The following PACS2 variants were observed in gnomAD, a reference collection of about 807,000 sequenced individuals.
The protein encoded by PACS2 is PACS1-like protein.
In PACS2, 36 loss-of-function variants were observed where a neutral mutation model predicts 113.0. The observed-to-expected ratio is 0.32, with a 90% CI of 0.24 to 0.42. The LOEUF (loss-of-function observed/expected upper bound fraction) is 0.42. Among genes scored for constraint, PACS2 ranks in the 10% least tolerant of loss-of-function variants. The pLI, the probability that PACS2 is intolerant of heterozygous loss-of-function variation, is 1.00. For missense variants in PACS2, 1,015 were observed against 1,239.5 expected, an observed-to-expected ratio of 0.82 and a Z score of 2.72; for synonymous variants, 589 against 536.1, an observed-to-expected ratio of 1.10 and a Z score of -1.36.
In PACS2 at chr14:105,324,975, G is replaced by A. The variant is rs1215919262; in HGVS notation, c.119+9938G>A. On this transcript the variant is annotated intron_variant, in intron 1 of 24. Transcript: ENST00000447393. The surrounding 1 kb of genome is among the most constrained non-coding windows in gnomAD (Gnocchi z 4.7). ...TCCTGCTGGGGGTGCACACGGGCCT[G>A]GGGCTGAGCAACCCGCTCTGGGCCT... Among the ~76,000 whole-genome samples the A allele has an allele frequency of 1.3e-5, 2 of 152,082 alleles. No homozygotes were observed. The highest frequency in any genetic ancestry group is 4.8e-5 in the African/African-American group (2 of 41,410).
In PACS2 at chr14:105,385,704, G is replaced by T. The variant is rs1555413449; in HGVS notation, c.2020G>T (p.Asp674Tyr). The change falls in exon 19 of 25, where the codon GAC becomes TAC. Residue 674 changes from aspartate (D) to tyrosine (Y), a missense_variant. By Grantham distance (160) the Asp-to-Tyr change is radical. Coordinates refer to ENST00000447393, the MANE Select transcript of PACS2 (RefSeq NM_001100913.3). ...KQKRKKHFHF[D>Y]FTLSPDEESS... is the part of the protein sequence containing the mutation. Reference sequence around the variant, plus strand: ...GAAAAGGAAAAAGCATTTTCATTTTGACTTTACCCTAAGGTACGGCTCTGT... The same window carrying T: ...GAAAAGGAAAAAGCATTTTCATTTTTACTTTACCCTAAGGTACGGCTCTGT... 2 of 1,519,922 alleles carry T rather than the reference G, an allele frequency of 1.3e-6. No individual in the cohort carries two copies. The highest frequency in any genetic ancestry group is 1.8e-6 in the Non-Finnish European group (2 of 1,137,168). 94.2% of individuals were successfully genotyped at this position (1,519,922 alleles called of 1,614,324 possible).
intron 1 of PACS2, among the ~76,000 whole-genome samples, chr14:105,320,467 C>G (rs587606331): frequency 3.9e-5 from 6 of 152,320 alleles, no homozygotes; most frequent in African/African-American, 1.4e-4. Context: ...GCCTCAGCCT[C>G]CTGAGTAGCT....
chr14:105,335,373 G>A (rs1018253052), intron 1 of PACS2, among the ~76,000 whole-genome samples: 35 of 147,248 alleles, frequency 2.4e-4, no homozygotes, highest in South Asian at 2.1e-4. Flanking sequence ...TGTGGCCGGC[G>A]CCTGGCGTGG....
chr14:105,336,837 CAG>C (rs1342531168), intron 1 of PACS2, among the ~76,000 whole-genome samples: 3 of 152,188 alleles, frequency 2.0e-5, no homozygotes, highest in South Asian at 2.1e-4. Context: ...GGAAATGAGA[CAG>C]AGTTACCGTC....
At chr14:105,350,123 A>G (rs2060112526) in intron 2 of PACS2, among the ~76,000 whole-genome samples, 1 of 151,956 alleles carries the variant, frequency 6.6e-6, no homozygotes, top group Non-Finnish European at 1.5e-5. Flanking sequence ...GGGTGTGGCC[A>G]TGCCCAGGGT....
intron 12 of PACS2, among the ~76,000 whole-genome samples, chr14:105,381,703 C>T (rs771445283): frequency 4.6e-5 from 7 of 152,236 alleles, no homozygotes; most frequent in Non-Finnish European, 8.8e-5. Flanking sequence ...ATCGGAGGCA[C>T]GGCCTCACTT....
In PACS2 at chr14:105,309,021, C is replaced by G. The variant is rs1325727063; in HGVS notation, c.-83+8042C>G. On this transcript the variant is annotated intron_variant, in intron 1 of 23. Coordinates refer to the PACS2 transcript ENST00000430725. This position sits in a 1 kb window ranked among gnomAD's most constrained non-coding sequence, Gnocchi z 4.0. ...AAAAGACAAACAAAACCTAACAAAACCAGAAATCCATCCTGCACGAAGAGC... is the reference window on the plus strand; with the variant it reads ...AAAAGACAAACAAAACCTAACAAAAGCAGAAATCCATCCTGCACGAAGAGC... 6.6e-6 allele frequency among the ~76,000 whole-genome samples: 1 copy of G among 152,000 alleles called. No individual in the cohort carries two copies. The highest frequency in any genetic ancestry group is 1.5e-5 in the Non-Finnish European group (1 of 67,982).
Position 105,366,092 on chromosome 14 carries a change from G to C in PACS2, c.424-1121G>C, listed in dbSNP as rs1304689843. Among the ~76,000 whole-genome samples, 1 of 152,244 alleles carries C rather than the reference G, an allele frequency of 6.6e-6. No homozygotes were observed. Among genetic ancestry groups the C allele is most frequent in the African/African-American group, 2.4e-5 (1 of 41,476 alleles). On this transcript the variant is annotated intron_variant, in intron 4 of 24. Coordinates refer to ENST00000447393, the MANE Select transcript of PACS2 (RefSeq NM_001100913.3). The surrounding 1 kb of genome is among the most constrained non-coding windows in gnomAD (Gnocchi z 4.3). ...CGGCTGGGCGTGGTGGCTCACGCCT[G>C]TAATCCCAGCACTTTGGGAGGCCGA...
intron 1 of PACS2, among the ~76,000 whole-genome samples, chr14:105,326,045 G>A (rs1222903130): frequency 6.6e-6 from 1 of 152,274 alleles, no homozygotes; most frequent in Non-Finnish European, 1.5e-5. Flanking sequence ...CTTGCAGGAG[G>A]CATTGACAAT....
chr14:105,377,708 T>TGGCAGCCCCAGCCC (rs1331339780), intron 9 of PACS2, among the ~76,000 whole-genome samples: 2 of 152,232 alleles, frequency 1.3e-5, no homozygotes, highest in Non-Finnish European at 2.9e-5. Flanking sequence ...TGCCCCGGCC[T>TGGCAGCCCCAGCCC]GGCAGCCCCA....
chr14:105,311,959 C>T (rs946975486), upstream of PACS2, among the ~76,000 whole-genome samples: 1 of 152,224 alleles, frequency 6.6e-6, no homozygotes, highest in Non-Finnish European at 1.5e-5. Flanking sequence ...GACCTGGCCA[C>T]GTGGGGCTGC....
intron 1 of PACS2, among the ~76,000 whole-genome samples, chr14:105,302,061 C>T (rs886679009): frequency 6.6e-6 from 1 of 151,934 alleles, no homozygotes; most frequent in Admixed American, 6.6e-5. Flanking sequence ...ACCACTTGAA[C>T]CTGAGAGGTG....
intron 19 of PACS2, among the ~76,000 whole-genome samples, chr14:105,386,403 C>T (rs1003439450): frequency 2.0e-5 from 3 of 152,074 alleles, no homozygotes; most frequent in Non-Finnish European, 4.4e-5. Flanking sequence ...TACCTGGAGA[C>T]GGGGCCAAAC....
rs958885591 is a variant in PACS2, at chr14:105,376,681, C to G, written c.802-87C>G. 2 of 1,327,404 alleles carry G rather than the reference C, an allele frequency of 1.5e-6. No individual in the cohort carries two copies. Among genetic ancestry groups the G allele is most frequent in the Non-Finnish European group, 2.1e-6 (2 of 952,368 alleles). 82.2% of individuals were successfully genotyped at this position (1,327,404 alleles called of 1,614,324 possible). ...GTGGCTGGGTGCCCGCCTCCTATTG[C>G]TCCTGCAGACTCTGGGGTCTCGGGC... is the stretch of plus-strand genomic sequence containing the variant. On this transcript the variant is annotated intron_variant, in intron 8 of 24. Coordinates refer to ENST00000447393, the MANE Select transcript of PACS2 (RefSeq NM_001100913.3). The surrounding 1 kb of genome is among the most constrained non-coding windows in gnomAD (Gnocchi z 4.7).
At chr14:105,392,564 C>A in intron 22 of PACS2, 55 bp from the exon 23 acceptor site, 1 of 1,416,172 alleles carries the variant, frequency 7.1e-7, no homozygotes, top group Non-Finnish European at 9.7e-7. Context: ...ACAGTGATGT[C>A]CCCATCACTA....
chr14:105,386,126 G>C (rs1192227672), intron 19 of PACS2, among the ~76,000 whole-genome samples: 1 of 152,220 alleles, frequency 6.6e-6, no homozygotes, highest in Non-Finnish European at 1.5e-5. Flanking sequence ...TTTAAACCAG[G>C]AGCGAGTGGC....
At chr14:105,346,152 T>A (rs1238326174) in intron 1 of PACS2, among the ~76,000 whole-genome samples, 1 of 152,196 alleles carries the variant, frequency 6.6e-6, no homozygotes, top group African/African-American at 2.4e-5. Flanking sequence ...CACTCATTGT[T>A]TAAGCTCCAT....
At chr14:105,382,312 G>A (rs1471556773) in intron 13 of PACS2, among the ~76,000 whole-genome samples, 165 bp from the exon 14 acceptor site, 1 of 152,176 alleles carries the variant, frequency 6.6e-6, no homozygotes, top group African/African-American at 2.4e-5. Flanking sequence ...CTCATTGCTT[G>A]GCTGATTTAG....
chr14:105,383,189 TG>T, intron 15 of PACS2, 169 bp from the exon 16 acceptor site: 1 of 772,252 alleles, frequency 1.3e-6, no homozygotes, highest in Non-Finnish European at 2.2e-6. Flanking sequence ...TCCCTCAGCC[TG>T]GGCACGTTTG....
Sources: allele counts gnomAD v4.1 joint callset (sites outside exome capture counted in the v4.1 genomes callset), GRCh38; gene constraint gnomAD v4.1.1; non-coding constraint Gnocchi (gnomAD v3.1); transcripts MANE v1.5; gene names NCBI Gene and HGNC (gene_info 2026-07-23, HGNC 2026-07-21).